CNTNAP3B: variants seen among roughly 807,000 people sequenced by gnomAD.
CNTNAP3B encodes the protein contactin associated protein family member 3B.
A neutral mutation model predicts 108.9 loss-of-function variants in CNTNAP3B; 25 were observed. The ratio of observed to expected loss-of-function variants is 0.23; its 90% CI spans 0.17 to 0.32. The LOEUF (loss-of-function observed/expected upper bound fraction) is 0.32, where lower values mean the gene tolerates loss of function less well. Among genes scored for constraint, CNTNAP3B ranks in the 10% least tolerant of loss-of-function variants. CNTNAP3B has a pLI of 1.00. For synonymous variants in CNTNAP3B, 103 were observed against 473.4 expected (o/e 0.22, Z 10.16); for missense variants, 252 against 1,210.4 (o/e 0.21, Z 11.75).
chr9:41,962,261 G>A (rs2118216056), intron 11 of CNTNAP3B, among the ~76,000 whole-genome samples: 1 of 152,350 alleles, frequency 6.6e-6, no homozygotes, highest in East Asian at 1.9e-4. Context: ...TATTCAACTA[G>A]GTGTGGCAGT....
chr9:42,110,193 A>C, intron 1 of CNTNAP3B, among the ~76,000 whole-genome samples: 1 of 130,936 alleles, frequency 7.6e-6, no homozygotes, highest in Non-Finnish European at 1.6e-5. Flanking sequence ...TTTAGGGCAA[A>C]TGCAGGAGAG....
rs1486321461 is a variant in CNTNAP3B at position 42,121,216 on chromosome 9, C to T, written c.85+7794G>A. 2.9e-5 allele frequency among the ~76,000 whole-genome samples: 4 copies of T among 138,408 alleles called. 2 individuals are homozygous for T. The highest frequency in any genetic ancestry group is 1.2e-4 in the African/African-American group (4 of 34,698). The allele number at this position is 138,408 out of a possible 152,430, so 90.8% of individuals were successfully genotyped here. A position where few individuals can be genotyped will look rare whatever the true frequency, so the allele number is the denominator to read the frequency against. ...CATTCTACCGGCTTCCTGAGAGCTT[C>T]CCAGGGAGTTCACGCCCCAGTTGCT... On this transcript the variant is annotated intron_variant, in intron 1 of 23. Transcript: ENST00000377561.
At chr9:41,956,189 A>G in intron 12 of CNTNAP3B, among the ~76,000 whole-genome samples, 1 of 152,186 alleles carries the variant, frequency 6.6e-6, no homozygotes, top group Non-Finnish European at 1.5e-5. Flanking sequence ...GATCGAGACC[A>G]TCCTGGCTAA....
At chr9:42,094,006 AC>A (rs1357460143) in intron 2 of CNTNAP3B, among the ~76,000 whole-genome samples, 1 of 131,678 alleles carries the variant, frequency 7.6e-6, no homozygotes, top group Non-Finnish European at 1.6e-5. Context: ...AACTGAGGAA[AC>A]AAAAACTCAG....
At chr9:41,931,791 G>C (rs551070467) in intron 14 of CNTNAP3B, among the ~76,000 whole-genome samples, 3 of 144,638 alleles carry the variant, frequency 2.1e-5, no homozygotes, top group Non-Finnish European at 4.5e-5. Flanking sequence ...TTCCAATTCT[G>C]TGATCATCAT....
At chr9:42,064,332 G>A (rs1406895346) in intron 3 of CNTNAP3B, among the ~76,000 whole-genome samples, 2 of 142,256 alleles carry the variant, frequency 1.4e-5, no homozygotes, top group East Asian at 2.0e-4. Flanking sequence ...TCATAACAAG[G>A]CAGAAGGCAT....
chr9:41,944,999 AC>A (rs1824481636), intron 13 of CNTNAP3B, among the ~76,000 whole-genome samples: 3 of 151,540 alleles, frequency 2.0e-5, no homozygotes, highest in Admixed American at 2.0e-4. Flanking sequence ...TATGCAGCCA[AC>A]AGACACATGA....
chr9:42,036,038 G>A (rs62554962), intron 3 of CNTNAP3B, among the ~76,000 whole-genome samples: 1,621 of 148,108 alleles, frequency 0.011, 2 homozygotes, highest in South Asian at 0.046. Context: ...AACCTGGGAG[G>A]CAGAGGTTGC....
At chr9:41,925,838 T>A (rs1490524792) in intron 15 of CNTNAP3B, among the ~76,000 whole-genome samples, 1 of 152,296 alleles carries the variant, frequency 6.6e-6, no homozygotes, top group Non-Finnish European at 1.5e-5. Flanking sequence ...CAGGCTCATC[T>A]TAAATTTTCT....
At chr9:41,939,565 CTT>C (rs1391588549) in intron 13 of CNTNAP3B, among the ~76,000 whole-genome samples, 4 of 152,276 alleles carry the variant, frequency 2.6e-5, no homozygotes, top group Non-Finnish European at 5.9e-5. Context: ...TACCAGGAAT[CTT>C]TTAAAAATGT....
chr9:41,926,289 C>G (rs1823817125), intron 15 of CNTNAP3B, among the ~76,000 whole-genome samples: 1 of 152,118 alleles, frequency 6.6e-6, no homozygotes, highest in Non-Finnish European at 1.5e-5. Context: ...TTCCTTGACC[C>G]TATCCCTGCA....
intron 2 of CNTNAP3B, among the ~76,000 whole-genome samples, chr9:42,088,367 A>T (rs1350882783): frequency 7.3e-6 from 1 of 136,154 alleles, no homozygotes; most frequent in Non-Finnish European, 1.6e-5. Flanking sequence ...CAAGAGAATC[A>T]GACCAGCCAA....
rs1281335335 is a variant in CNTNAP3B, at chr9:42,114,979, G to A, written c.86-10240C>T. On this transcript the variant is annotated intron_variant, in intron 1 of 23. Transcript: ENST00000377561. ...TGAGGCAGGAGAATCACTGGAACCC[G>A]GGAGGTGGAGGTTGCAGTGAGCCAA... 7.3e-5 allele frequency among the ~76,000 whole-genome samples: 10 copies of A among 136,772 alleles called. 1 individual carries two copies. Among genetic ancestry groups the A allele is most frequent in the South Asian group, 4.8e-4 (2 of 4,184 alleles). 89.7% of individuals were successfully genotyped at this position (136,772 alleles called of 152,430 possible). A position where few individuals can be genotyped will look rare whatever the true frequency, so the allele number is the denominator to read the frequency against.
At position 42,090,971 on chromosome 9, in the gene CNTNAP3B, T is replaced by C. The variant is rs1422101961; in HGVS notation, c.196+13658A>G. Among the ~76,000 whole-genome samples, 76 of 41,756 alleles carry C rather than the reference T, an allele frequency of 1.8e-3. 4 individuals are homozygous for C. Among genetic ancestry groups the C allele is most frequent in the Non-Finnish European group, 3.0e-3 (58 of 19,276 alleles). The allele number at this position is 41,756 out of a possible 152,430, so 27.4% of individuals were successfully genotyped here. ...CACTGACTCTCTCTAAATATATATA[T>C]ATACACACACACACACACACACACA... On this transcript the variant is annotated intron_variant, in intron 2 of 23. Coordinates refer to ENST00000377561, the MANE Select transcript of CNTNAP3B (RefSeq NM_001201380.3).
intron 13 of CNTNAP3B, among the ~76,000 whole-genome samples, chr9:41,941,393 C>T (rs1426842764): frequency 1.4e-5 from 2 of 147,300 alleles, no homozygotes; most frequent in Non-Finnish European, 1.5e-5. Context: ...TGAAAGAAAG[C>T]AGAATGGCTA....
At chr9:41,983,926 T>A (rs1825679374) in intron 9 of CNTNAP3B, among the ~76,000 whole-genome samples, 1 of 98,726 alleles carries the variant, frequency 1.0e-5, no homozygotes. Context: ...GGTGGGTGCC[T>A]GTAGTCCCAG....
rs1452417549 is a variant in CNTNAP3B, at chr9:42,097,376, C to T, written c.196+7253G>A. On this transcript the variant is annotated intron_variant, in intron 2 of 23. Transcript: ENST00000377561. The stretch of plus-strand genomic sequence containing the variant: ...ACTGCCCCACGCAGAGAAGCTTTTA[C>T]CCCAGGTTAATAAAGATGCTTTTTA... Among the ~76,000 whole-genome samples, 83 of 139,650 alleles carry T rather than the reference C, an allele frequency of 5.9e-4. 17 individuals are homozygous for T. Among genetic ancestry groups the T allele is most frequent in the African/African-American group, 2.2e-3 (78 of 35,298 alleles). 91.6% of individuals were successfully genotyped at this position (139,650 alleles called of 152,430 possible).
intron 18 of CNTNAP3B, among the ~76,000 whole-genome samples, chr9:41,917,178 G>T (rs1234242015): frequency 2.0e-5 from 3 of 152,118 alleles, no homozygotes; most frequent in Non-Finnish European, 2.9e-5. Flanking sequence ...GGTGTGCTTA[G>T]TTATGTCTGA....
rs1385838511 is a variant in CNTNAP3B, at chr9:42,118,487, T to TA, written c.85+10522dup. ...GACAAAATTCAAAGACGCTTCATGC[T>TA]AAAAACTCTCAACAAATTAGGTATT... On this transcript the variant is annotated intron_variant, in intron 1 of 23. Transcript: ENST00000377561. Among the ~76,000 whole-genome samples the TA allele has an allele frequency of 1.5e-5, 2 of 136,380 alleles. 1 individual carries two copies. The highest frequency in any genetic ancestry group is 3.1e-5 in the Non-Finnish European group (2 of 64,096). 89.5% of individuals were successfully genotyped at this position (136,380 alleles called of 152,430 possible).
Sources: allele counts gnomAD v4.1 joint callset (sites outside exome capture counted in the v4.1 genomes callset), GRCh38; gene constraint gnomAD v4.1.1; transcripts MANE v1.5; gene names NCBI Gene and HGNC (gene_info 2026-07-23, HGNC 2026-07-21).